The following USP14 variants were observed in gnomAD, a reference collection of about 807,000 sequenced individuals.
USP14 encodes the protein ubiquitin carboxyl-terminal hydrolase 14.
In USP14, 38 loss-of-function variants were observed where a neutral mutation model predicts 76.5. The ratio of observed to expected loss-of-function variants is 0.50; its 90% CI spans 0.38 to 0.65. USP14 has a LOEUF of 0.65. USP14 is among the 30% of genes least tolerant of loss of function. The pLI, the probability that USP14 is intolerant of heterozygous loss-of-function variation, is 0.00. For synonymous variants in USP14, 192 were observed against 191.7 expected, an observed-to-expected ratio of 1.00 and a Z score of -0.01; for missense variants, 467 against 586.5, an observed-to-expected ratio of 0.80 and a Z score of 2.10.
At chr18:160,867 A>AT (rs1909098757) in intron 1 of USP14, among the ~76,000 whole-genome samples, 1 of 152,178 alleles carries the variant, frequency 6.6e-6, no homozygotes, top group African/African-American at 2.4e-5. Flanking sequence ...AGTGGCCTTT[A>AT]TGACAGCCTT....
At chr18:187,871 TATG>T (rs767849121) in intron 5 of USP14, among the ~76,000 whole-genome samples, 14 of 152,332 alleles carry the variant, frequency 9.2e-5, no homozygotes, top group Middle Eastern at 6.8e-3. Flanking sequence ...ACATTTTAGT[TATG>T]ATGATATTTA....
chr18:210,715 A>G (rs1032078540), intron 15 of USP14, among the ~76,000 whole-genome samples: 1 of 152,220 alleles, frequency 6.6e-6, no homozygotes, highest in African/African-American at 2.4e-5. Context: ...GATAGTAATA[A>G]GCCCATTACA....
intron 3 of USP14, among the ~76,000 whole-genome samples, chr18:177,564 GAACTA>G (rs1211944458): frequency 2.0e-5 from 3 of 150,894 alleles, no homozygotes; most frequent in Non-Finnish European, 4.4e-5. Context: ...ATTCTTAACT[GAACTA>G]ATTTCCTAAT....
At chr18:181,055 T>C (rs478326) in intron 5 of USP14, among the ~76,000 whole-genome samples, 2,681 of 109,982 alleles carry the variant, frequency 0.024, no homozygotes, top group South Asian at 0.044. Flanking sequence ...GGTTCATTCA[T>C]GTTACAGCAC....
chr18:192,469 C>T (rs1361264783), intron 5 of USP14, among the ~76,000 whole-genome samples: 10 of 152,038 alleles, frequency 6.6e-5, no homozygotes, highest in Non-Finnish European at 8.8e-5. Context: ...GAGGCTGAGG[C>T]AGGAGAAATT....
intron 3 of USP14, among the ~76,000 whole-genome samples, chr18:175,925 G>A (rs1211042315): frequency 6.6e-6 from 1 of 151,960 alleles, no homozygotes; most frequent in Non-Finnish European, 1.5e-5. Context: ...AATAAATGTA[G>A]GACTATTTAG....
chr18:188,747 G>T (rs188796430), intron 5 of USP14, among the ~76,000 whole-genome samples: 2 of 151,420 alleles, frequency 1.3e-5, no homozygotes, highest in East Asian at 3.9e-4. Flanking sequence ...GCATGATCTC[G>T]GCTCACTGCA....
intron 1 of USP14, among the ~76,000 whole-genome samples, chr18:162,751 A>G (rs778576909): frequency 5.4e-4 from 82 of 151,908 alleles, no homozygotes; most frequent in Non-Finnish European, 1.1e-3. Context: ...GAGTTTATTA[A>G]CCAATTTTAT....
chr18:185,479 G>C (rs1337182535), intron 5 of USP14, among the ~76,000 whole-genome samples: 3 of 152,014 alleles, frequency 2.0e-5, no homozygotes, highest in Non-Finnish European at 4.4e-5. Context: ...GTTAACACTA[G>C]CGTCTCATTC....
intron 12 of USP14, 24 bp from the exon 13 acceptor site, chr18:204,538 CAT>C (rs371513227): frequency 6.6e-4 from 1,000 of 1,519,298 alleles, no homozygotes; most frequent in Middle Eastern, 2.7e-3. Context: ...TGTGTTTACA[CAT>C]GTTTTTTGTT....
chr18:171,024 AAATATATATATATATAT>A (rs1435622316), intron 3 of USP14, among the ~76,000 whole-genome samples: 4 of 58,840 alleles, frequency 6.8e-5, no homozygotes, highest in South Asian at 1.2e-3. Context: ...AAAAAAAAAA[AAATATATATATATATAT>A]ATATATATAT....
At chr18:209,860 T>G in intron 13 of USP14, 111 bp from the exon 14 acceptor site, 1 of 740,662 alleles carries the variant, frequency 1.4e-6, no homozygotes, top group Non-Finnish European at 2.1e-6. Flanking sequence ...AGACTGTATT[T>G]TGTCTCTGTG....
Position 204,655 on chromosome 18 carries a change from A to C in USP14, c.1127A>C (p.Asp376Ala). The change falls in exon 13 of 16, where the codon GAT becomes GCT. Residue 376 changes from aspartate (D) to alanine (A), a missense_variant. Transcript: ENST00000261601. The stretch of plus-strand genomic sequence containing the variant: ...GTGTCTTTTCGATCCAAATTCAAGG[A>C]TCTAGAAGATAAAAAAGTGAATCAG... ...KMVSFRSKFK[D>A]LEDKKVNQQP... 1 of 1,613,518 alleles carries C rather than the reference A, an allele frequency of 6.2e-7. No individual in the cohort carries two copies. The highest frequency in any genetic ancestry group is 8.5e-7 in the Non-Finnish European group (1 of 1,179,806).
chr18:159,726 A>G (rs531251365), intron 1 of USP14, among the ~76,000 whole-genome samples: 2 of 152,314 alleles, frequency 1.3e-5, no homozygotes, highest in South Asian at 4.1e-4. Context: ...GAAATATTCT[A>G]ATACTTAAAC....
chr18:204,757 CTCTG>C (rs763986439), intron 13 of USP14, 65 bp downstream of exon 13: 164 of 1,556,390 alleles, frequency 1.1e-4, no homozygotes, highest in Non-Finnish European at 6.4e-5. Context: ...TCAGCAATTA[CTCTG>C]TCTTTTTTTT....
intron 9 of USP14, among the ~76,000 whole-genome samples, chr18:198,900 C>G (rs1472683639): frequency 6.6e-6 from 1 of 152,054 alleles, no homozygotes; most frequent in Non-Finnish European, 1.5e-5. Context: ...AACTTAGAAA[C>G]AATTTATGTA....
chr18:180,730 A>T (rs1909764464), intron 5 of USP14, among the ~76,000 whole-genome samples: 1 of 152,180 alleles, frequency 6.6e-6, no homozygotes, highest in East Asian at 1.9e-4. Flanking sequence ...CCCATGGTTC[A>T]TTCAGGTTAC....
intron 1 of USP14, among the ~76,000 whole-genome samples, chr18:159,669 A>G (rs1909061874): frequency 6.6e-6 from 1 of 152,158 alleles, no homozygotes; most frequent in Non-Finnish European, 1.5e-5. Context: ...ATTCTTAATG[A>G]TTGCCCAACC....
intron 2 of USP14, among the ~76,000 whole-genome samples, chr18:165,741 A>T (rs1909251919): frequency 6.6e-6 from 1 of 152,148 alleles, no homozygotes; most frequent in Admixed American, 6.6e-5. Context: ...ACCTTGGGTA[A>T]GTGATCTTAG....
Sources: gnomAD v4.1 joint callset for allele counts (sites outside exome capture counted in the v4.1 genomes callset) on GRCh38, gnomAD v4.1.1 for gene constraint, MANE v1.5 for transcripts, NCBI Gene and HGNC (gene_info 2026-07-23, HGNC 2026-07-21) for gene names.